Variants in PIEZO2 observed in about 807,000 individuals in gnomAD.
PIEZO2 encodes the protein piezo type mechanosensitive ion channel component 2.
Under a neutral mutation model 337.3 loss-of-function variants are expected in PIEZO2, and 172 were observed. The ratio of observed to expected loss-of-function variants is 0.51; its 90% CI spans 0.45 to 0.58. PIEZO2 has a LOEUF of 0.58. PIEZO2 is among the 20% of genes least tolerant of loss of function. The probability of loss-of-function intolerance (pLI) is 0.00; values close to 1 mark genes in which losing one functional copy is unlikely to be tolerated. For synonymous variants in PIEZO2, 1,251 were observed against 1,228.5 expected, an observed-to-expected ratio of 1.02 and a Z score of -0.38; for missense variants, 3,028 against 3,391.3, an observed-to-expected ratio of 0.89 and a Z score of 2.66.
chr18:10,801,295 A>G, intron 10 of PIEZO2, 95 bp downstream of exon 10: 3 of 1,115,942 alleles, frequency 2.7e-6, no homozygotes, highest in Non-Finnish European at 3.7e-6. Flanking sequence ...GGAAATTTTA[A>G]TAGATCATTA....
At chr18:11,023,561 C>A (rs963179394) in intron 2 of PIEZO2, among the ~76,000 whole-genome samples, 3 of 152,270 alleles carry the variant, frequency 2.0e-5, no homozygotes, top group Admixed American at 6.5e-5. Flanking sequence ...AAGTCCCCAC[C>A]AGAGTCAGGA....
chr18:10,843,000 A>T (rs1167632417), intron 7 of PIEZO2, among the ~76,000 whole-genome samples: 1 of 152,222 alleles, frequency 6.6e-6, no homozygotes, highest in Non-Finnish European at 1.5e-5. Flanking sequence ...TGGAGCTAAA[A>T]AGCAGATAAA....
intron 44 of PIEZO2, 39 bp downstream of exon 44, chr18:10,698,886 G>A: frequency 1.3e-6 from 2 of 1,532,428 alleles, no homozygotes; most frequent in Middle Eastern, 1.7e-4. Flanking sequence ...GGCCACCTGG[G>A]AGCTAACTAC....
In PIEZO2 at chr18:11,077,160, C is replaced by T. The variant is rs1478721030; in HGVS notation, c.65-10938G>A. Among the ~76,000 whole-genome samples, 4 of 152,168 alleles carry T rather than the reference C, an allele frequency of 2.6e-5. No homozygotes were observed. Among genetic ancestry groups the T allele is most frequent in the African/African-American group, 7.2e-5 (3 of 41,422 alleles). On this transcript the variant is annotated intron_variant, in intron 1 of 55. Transcript: ENST00000674853. The surrounding 1 kb of genome is among the most constrained non-coding windows in gnomAD (Gnocchi z 4.8). Reference sequence around the variant, plus strand: ...TTCACTGAAATCCACAGTTCCTAAGCCTACCAAAATAAAACTTGCTCTCTT... The same window carrying T: ...TTCACTGAAATCCACAGTTCCTAAGTCTACCAAAATAAAACTTGCTCTCTT...
chr18:10,990,753 T>C (rs1438625770), intron 2 of PIEZO2, among the ~76,000 whole-genome samples: 1 of 150,926 alleles, frequency 6.6e-6, no homozygotes, highest in African/African-American at 2.4e-5. Flanking sequence ...CATTATTTTT[T>C]TTTCTAATAA....
At chr18:10,948,662 G>A (rs376969542) in intron 3 of PIEZO2, among the ~76,000 whole-genome samples, 2 of 152,276 alleles carry the variant, frequency 1.3e-5, no homozygotes, top group East Asian at 3.9e-4. Flanking sequence ...TAAGCTTGCA[G>A]AGGGGGAAAT....
chr18:11,098,780 T>C (rs925840310), intron 1 of PIEZO2, among the ~76,000 whole-genome samples: 4 of 151,924 alleles, frequency 2.6e-5, no homozygotes, highest in Non-Finnish European at 4.4e-5. Flanking sequence ...TTTAAATTTA[T>C]TTATTTATTT....
rs145985387 is a variant in PIEZO2 at position 10,741,163 on chromosome 18, C to T, written c.4637-61G>A. On this transcript the variant is annotated intron_variant, in intron 32 of 55. Coordinates refer to ENST00000674853, the MANE Select transcript of PIEZO2 (RefSeq NM_001378183.1). ...AAGTGAGAAAACAAATTTTGAAAACCACGCTTTAACAACTCAATTGTCAAA... is the reference window on the plus strand; with the variant it reads ...AAGTGAGAAAACAAATTTTGAAAACTACGCTTTAACAACTCAATTGTCAAA... The T allele has an allele frequency of 4.3e-4, 604 of 1,417,820 alleles. 6 individuals carry two copies. The African/African-American group carries it at 7.9e-3, about 19-fold the overall frequency. The allele number at this position is 1,417,820 out of a possible 1,614,324, so 87.8% of individuals were successfully genotyped here. A position where few individuals can be genotyped will look rare whatever the true frequency, so the allele number is the denominator to read the frequency against.
At position 11,028,146 on chromosome 18, in the gene PIEZO2, C is replaced by T. The variant is rs752461191; in HGVS notation, c.160+37981G>A. 4.3e-4 allele frequency among the ~76,000 whole-genome samples: 66 copies of T among 152,258 alleles called. No individual in the cohort carries two copies. The highest frequency in any genetic ancestry group is 8.3e-4 in the South Asian group (4 of 4,832). On this transcript the variant is annotated intron_variant, in intron 2 of 55. Transcript: ENST00000674853. This position sits in a 1 kb window ranked among gnomAD's most constrained non-coding sequence, Gnocchi z 4.8. ...GTGGCACCACGAGCTGCAAGTTCTACAAACTGTAACTTGGATTCTTCTTCC... is the reference window on the plus strand; with the variant it reads ...GTGGCACCACGAGCTGCAAGTTCTATAAACTGTAACTTGGATTCTTCTTCC...
Position 10,705,547 on chromosome 18 carries a change from G to C in PIEZO2, c.5788C>G (p.Gln1930Glu). The stretch of plus-strand genomic sequence containing the variant: ...ACATCCCCGTCCAAGGTGGAGAACT[G>C]TGTCAGCTCTTCCTCTGGGGTGAGG... ...ASLTPEEELT[Q>E]FSTLDGDVEA... is the part of the protein sequence containing the mutation. The change falls in exon 41 of 56, where the codon CAG (glutamine) becomes GAG (glutamate). Residue 1930 changes from glutamine (Q) to glutamate (E), a missense_variant. By Grantham distance (29) the Gln-to-Glu change is conservative (BLOSUM62 2). Around this residue, in one of 5 missense-constraint regions of PIEZO2, gnomAD observed 1,925 missense variants for 2,051.9 expected, o/e 0.94. Transcript: ENST00000674853. The C allele has an allele frequency of 1.3e-6, 2 of 1,537,280 alleles. No homozygotes were observed. Among genetic ancestry groups the C allele is most frequent in the South Asian group, 1.2e-5 (1 of 84,064 alleles).
rs1232995572 is a variant in PIEZO2 at position 10,850,853 on chromosome 18, T to C, written c.917+4500A>G. The stretch of plus-strand genomic sequence containing the variant: ...TAAAGTGTTTTTTCTTATTATTTTA[T>C]TTTTCCAAATGACCAAAAAACATGT... On this transcript the variant is annotated intron_variant, in intron 7 of 55. Coordinates refer to ENST00000674853, the MANE Select transcript of PIEZO2 (RefSeq NM_001378183.1). The surrounding 1 kb of genome is among the most constrained non-coding windows in gnomAD (Gnocchi z 4.5). Among the ~76,000 whole-genome samples the C allele has an allele frequency of 6.6e-6, 1 of 152,202 alleles. No homozygotes were observed. The highest frequency in any genetic ancestry group is 2.4e-5 in the African/African-American group (1 of 41,454).
At chr18:10,990,905 A>G (rs1224707201) in intron 2 of PIEZO2, among the ~76,000 whole-genome samples, 3 of 152,068 alleles carry the variant, frequency 2.0e-5, no homozygotes, top group East Asian at 3.9e-4. Flanking sequence ...AAAGTTGACA[A>G]TATTTTGTGA....
chr18:10,705,377 G>A lies in PIEZO2; in HGVS notation c.5958C>T (p.Pro1986=). The change falls in exon 41 of 56, where the codon CCC becomes CCT. Residue 1986 remains proline, a synonymous_variant. Coordinates refer to ENST00000674853, the MANE Select transcript of PIEZO2 (RefSeq NM_001378183.1). ...CGCTGGCCGTCAGCTCATGGGTCAG[G>A]GGAGGTAAGATGCTGGACCCCAGCT... ...TDKLGSSILP[P]LTHELTASEL... 6.5e-7 allele frequency: 1 copy of A among 1,537,160 alleles called. No individual in the cohort carries two copies. Among genetic ancestry groups the A allele is most frequent in the Non-Finnish European group, 8.7e-7 (1 of 1,146,860 alleles).
intron 3 of PIEZO2, among the ~76,000 whole-genome samples, chr18:10,926,671 G>C (rs1029565868): frequency 3.3e-5 from 5 of 152,140 alleles, no homozygotes; most frequent in African/African-American, 1.2e-4. Context: ...AAGAGCTGAT[G>C]AAAAATATCA....
chr18:10,960,523 GT>G (rs1269870248), intron 3 of PIEZO2, among the ~76,000 whole-genome samples: 3 of 150,442 alleles, frequency 2.0e-5, no homozygotes, highest in Non-Finnish European at 2.9e-5. Context: ...AACAAATAGA[GT>G]TGCAGCAACT....
At chr18:10,904,274 T>C (rs913515386) in intron 4 of PIEZO2, among the ~76,000 whole-genome samples, 3 of 152,178 alleles carry the variant, frequency 2.0e-5, no homozygotes, top group Non-Finnish European at 4.4e-5. Context: ...ACGTACAGCA[T>C]GGTAGATTAT....
intron 2 of PIEZO2, among the ~76,000 whole-genome samples, chr18:11,018,254 T>C (rs2036191133): frequency 6.7e-6 from 1 of 149,292 alleles, no homozygotes; most frequent in South Asian, 2.1e-4. Flanking sequence ...TTCTCTCTTC[T>C]TAAGACACAG....
intron 2 of PIEZO2, among the ~76,000 whole-genome samples, chr18:11,050,586 C>A (rs1167276568): frequency 2.6e-5 from 4 of 151,796 alleles, no homozygotes; most frequent in Non-Finnish European, 4.4e-5. Context: ...GCACAACTTC[C>A]TTTTAAAGTA....
At position 11,048,591 on chromosome 18, in the gene PIEZO2, C is replaced by G. The variant is rs1186874030; in HGVS notation, c.160+17536G>C. ...CTATTAATTTTATAGTAAGATACAG[C>G]AGAATGAGGGAAATGCTTATATAGA... On this transcript the variant is annotated intron_variant, in intron 2 of 55. Transcript: ENST00000674853. The surrounding 1 kb of genome is among the most constrained non-coding windows in gnomAD (Gnocchi z 4.5). 3.3e-5 allele frequency among the ~76,000 whole-genome samples: 5 copies of G among 152,156 alleles called. No homozygotes were observed. In the East Asian group the frequency reaches 9.6e-4, roughly 29 times the overall value.
Sources: allele counts gnomAD v4.1 joint callset (sites outside exome capture counted in the v4.1 genomes callset), GRCh38; gene constraint gnomAD v4.1.1; regional missense constraint gnomAD v4.1.1; non-coding constraint Gnocchi (gnomAD v3.1); transcripts MANE v1.5; gene names NCBI Gene and HGNC (gene_info 2026-07-23, HGNC 2026-07-21).